Variants in TPH2 observed in about 807,000 individuals in gnomAD.
TPH2 encodes tryptophan hydroxylase 2, also known as tryptophan 5-hydroxylase 2.
TPH2 carries 27 observed loss-of-function variants against 59.1 expected under a neutral mutation model. That is an observed-to-expected ratio of 0.46 (90% CI 0.34 to 0.63). The LOEUF is 0.63. Among genes scored for constraint, TPH2 ranks in the 30% least tolerant of loss-of-function variants. The pLI, the probability that TPH2 is intolerant of heterozygous loss-of-function variation, is 0.01. For synonymous variants in TPH2, 220 were observed against 210.5 expected (o/e 1.05, Z -0.39); for missense variants, 523 against 588.3 (o/e 0.89, Z 1.15).
At chr12:71,993,465 A>C (rs1872624736) in intron 7 of TPH2, among the ~76,000 whole-genome samples, 2 of 152,188 alleles carry the variant, frequency 1.3e-5, no homozygotes, top group Admixed American at 6.5e-5. Flanking sequence ...AATCCATTAC[A>C]GCTTGGTATC....
chr12:72,026,954 T>C (rs1873584915), intron 9 of TPH2, among the ~76,000 whole-genome samples: 1 of 152,148 alleles, frequency 6.6e-6, no homozygotes, highest in Non-Finnish European at 1.5e-5. Context: ...TGTTGTTCTT[T>C]TGATGTGGAA....
intron 7 of TPH2, among the ~76,000 whole-genome samples, chr12:71,990,906 C>T (rs957891955): frequency 2.0e-5 from 3 of 152,202 alleles, no homozygotes; most frequent in Non-Finnish European, 2.9e-5. Context: ...CTCTGAGGTT[C>T]CATTAATAAT....
At chr12:72,021,356 A>AGTGTGT (rs57532900) in intron 8 of TPH2, among the ~76,000 whole-genome samples, 66 of 143,420 alleles carry the variant, frequency 4.6e-4, no homozygotes, top group African/African-American at 5.5e-4. Flanking sequence ...GGGCCAATAA[A>AGTGTGT]GTGTGTGTGT....
At chr12:71,949,251 G>A (rs1410498497) in intron 4 of TPH2, among the ~76,000 whole-genome samples, 1 of 152,190 alleles carries the variant, frequency 6.6e-6, no homozygotes, top group Non-Finnish European at 1.5e-5. Flanking sequence ...AATAGGATAG[G>A]ATTAATTTGT....
intron 4 of TPH2, among the ~76,000 whole-genome samples, 178 bp downstream of exon 4, chr12:71,944,864 C>T (rs953750990): frequency 2.6e-5 from 4 of 152,102 alleles, no homozygotes; most frequent in Non-Finnish European, 5.9e-5. Context: ...TGACTGGAAG[C>T]GGGTTAGAAG....
chr12:72,026,844 A>T (rs1235397236), intron 9 of TPH2, among the ~76,000 whole-genome samples: 1 of 152,220 alleles, frequency 6.6e-6, no homozygotes, highest in East Asian at 1.9e-4. Flanking sequence ...GGGGATATAG[A>T]TGTCACATTG....
intron 7 of TPH2, among the ~76,000 whole-genome samples, chr12:71,988,570 G>A (rs1162385538): frequency 1.3e-5 from 2 of 152,156 alleles, no homozygotes; most frequent in Non-Finnish European, 2.9e-5. Context: ...TCACTATCCC[G>A]AGGACAGCAC....
chr12:71,970,538 A>G (rs1480999423), intron 5 of TPH2, among the ~76,000 whole-genome samples: 3 of 152,168 alleles, frequency 2.0e-5, no homozygotes, highest in Non-Finnish European at 2.9e-5. Context: ...TATTTCCTTT[A>G]TTGTCTCAGC....
chr12:72,029,857 G>A (rs1873674023), intron 9 of TPH2, among the ~76,000 whole-genome samples: 1 of 152,098 alleles, frequency 6.6e-6, no homozygotes, highest in African/African-American at 2.4e-5. Flanking sequence ...TCTTCATGGA[G>A]GGCTGTAAAT....
intron 8 of TPH2, among the ~76,000 whole-genome samples, chr12:72,000,481 T>A (rs1050862471): frequency 1.3e-5 from 2 of 152,106 alleles, no homozygotes; most frequent in Non-Finnish European, 2.9e-5. Flanking sequence ...GGGTCTAGAG[T>A]GAGGCCTGAG....
At chr12:71,992,801 T>C (rs1488306586) in intron 7 of TPH2, among the ~76,000 whole-genome samples, 1 of 152,222 alleles carries the variant, frequency 6.6e-6, no homozygotes, top group Non-Finnish European at 1.5e-5. Context: ...CAGTACCTAG[T>C]ACATAGTAGG....
Position 72,031,071 on chromosome 12 carries a change from A to C in TPH2, c.1165-187A>C, listed in dbSNP as rs149471366. ...ATACTTAAAAAAGCAAAACAAACAA[A>C]CAACCAAACAAAATCCTAGTTTCCA... On this transcript the variant is annotated intron_variant, in intron 9 of 10. Transcript: ENST00000333850. Among the ~76,000 whole-genome samples, 972 of 152,228 alleles carry C rather than the reference A, an allele frequency of 6.4e-3. 41 individuals are homozygous for C. The highest frequency in any genetic ancestry group is 0.055 in the Admixed American group (838 of 15,258).
At chr12:71,993,881 T>C (rs544578051) in intron 7 of TPH2, among the ~76,000 whole-genome samples, 102 of 152,260 alleles carry the variant, frequency 6.7e-4, no homozygotes, top group Non-Finnish European at 1.1e-3. Context: ...GAAACAGCAA[T>C]TTTTTTCTGT....
intron 7 of TPH2, among the ~76,000 whole-genome samples, chr12:71,980,237 A>T (rs1461318866): frequency 1.3e-5 from 2 of 152,342 alleles, no homozygotes; most frequent in East Asian, 3.9e-4. Flanking sequence ...CATTAAAATG[A>T]GTGCCTTGCT....
At chr12:71,982,015 A>ATTGTTTTTTTTTTTTTTTTTTTTTTT (rs1872293000) in intron 7 of TPH2, among the ~76,000 whole-genome samples, 2 of 60,504 alleles carry the variant, frequency 3.3e-5, no homozygotes, top group Non-Finnish European at 3.4e-5. Flanking sequence ...TATCATTCGT[A>ATTGTTTTTTTTTTTTTTTTTTTTTTT]TTTTTTTTTT....
At chr12:71,972,838 TTTGAG>T in intron 6 of TPH2, 123 bp downstream of exon 6, 1 of 1,099,466 alleles carries the variant, frequency 9.1e-7, no homozygotes, top group Admixed American at 2.1e-5. Flanking sequence ...AATTGTTGGC[TTTGAG>T]CCAACAATTA....
intron 5 of TPH2, among the ~76,000 whole-genome samples, chr12:71,969,632 G>A (rs1267222601): frequency 6.6e-6 from 1 of 152,126 alleles, no homozygotes; most frequent in Admixed American, 6.6e-5. Context: ...ATCCTACTAT[G>A]ACATATAATT....
chr12:71,944,001 C>T (rs1291070125), intron 2 of TPH2, among the ~76,000 whole-genome samples: 1 of 151,904 alleles, frequency 6.6e-6, no homozygotes, highest in African/African-American at 2.4e-5. Context: ...GGGATGTGTA[C>T]CACTCTGTGG....
intron 8 of TPH2, among the ~76,000 whole-genome samples, chr12:71,996,943 A>AT (rs905069601): frequency 4.6e-5 from 7 of 151,862 alleles, no homozygotes; most frequent in African/African-American, 1.7e-4. Flanking sequence ...GACAAAACAG[A>AT]TTTTTTAAGA....
Sources: allele counts gnomAD v4.1 joint callset (sites outside exome capture counted in the v4.1 genomes callset), GRCh38; gene constraint gnomAD v4.1.1; transcripts MANE v1.5; gene names NCBI Gene and HGNC (gene_info 2026-07-23, HGNC 2026-07-21).